The following GPR137B variants were observed in gnomAD, a reference collection of about 807,000 sequenced individuals.
GPR137B encodes G protein-coupled receptor 137B.
In GPR137B, 42 loss-of-function variants were observed where a neutral mutation model predicts 42.5. The ratio of observed to expected loss-of-function variants is 0.99; its 90% CI spans 0.77 to 1.28. The LOEUF is 1.28. Ranked by LOEUF, GPR137B falls within the 50% of genes most tolerant of loss-of-function variation. GPR137B has a pLI of 0.00. For missense variants in GPR137B, 487 were observed against 493.9 expected, an observed-to-expected ratio of 0.99 and a Z score of 0.13; for synonymous variants, 218 against 209.7, an observed-to-expected ratio of 1.04 and a Z score of -0.34.
intron 5 of GPR137B, among the ~76,000 whole-genome samples, chr1:236,196,828 A>T (rs1047837924): frequency 2.6e-5 from 4 of 152,088 alleles, no homozygotes; most frequent in African/African-American, 9.7e-5. Context: ...TGGTATATAT[A>T]TACCATTTTT....
At chr1:236,165,733 T>C (rs756141701) in intron 1 of GPR137B, among the ~76,000 whole-genome samples, 1 of 152,238 alleles carries the variant, frequency 6.6e-6, no homozygotes. Flanking sequence ...CGTATGTTTC[T>C]CTTGAAGATT....
rs1189015920 is a variant in GPR137B, at chr1:236,142,884, T to C, written c.262T>C (p.Trp88Arg). 1.9e-6 allele frequency: 3 copies of C among 1,614,224 alleles called. No individual in the cohort carries two copies. Among genetic ancestry groups the C allele is most frequent in the Non-Finnish European group, 2.5e-6 (3 of 1,180,020 alleles). Residue 88 changes from tryptophan (W) to arginine (R), a missense_variant, in exon 1 of 7, where the codon TGG becomes CGG. Trp to Arg is a moderately radical substitution (Grantham distance 101). Transcript: ENST00000366592. ...QSVFLFLCLF[W>R]ASLRTVLFSF... Reference sequence around the variant, plus strand: ...CGTCTTCCTCTTTCTCTGCCTCTTCTGGGCCTCCCTGCGGACCGTCCTCTT... The same window carrying C: ...CGTCTTCCTCTTTCTCTGCCTCTTCCGGGCCTCCCTGCGGACCGTCCTCTT...
intron 5 of GPR137B, among the ~76,000 whole-genome samples, chr1:236,186,495 A>AC (rs1663043807): frequency 1.1e-5 from 1 of 88,706 alleles, no homozygotes; most frequent in African/African-American, 3.9e-5. Flanking sequence ...CTACCTCCCC[A>AC]CCCCCCTACA....
At chr1:236,177,007 A>C (rs2102909234) in intron 2 of GPR137B, among the ~76,000 whole-genome samples, 1 of 152,256 alleles carries the variant, frequency 6.6e-6, no homozygotes, top group South Asian at 2.1e-4. Context: ...GTGAGGAGGT[A>C]CAGGGAGGGT....
At chr1:236,184,463 C>T (rs960429335) in intron 5 of GPR137B, among the ~76,000 whole-genome samples, 1 of 152,092 alleles carries the variant, frequency 6.6e-6, no homozygotes, top group Non-Finnish European at 1.5e-5. Context: ...AACCAAGTAG[C>T]GTGAGAAACC....
chr1:236,180,810 G>A (rs1223231244), intron 4 of GPR137B, among the ~76,000 whole-genome samples: 1 of 151,970 alleles, frequency 6.6e-6, no homozygotes, highest in East Asian at 1.9e-4. Flanking sequence ...TAGAGATGGG[G>A]TTTCACCATG....
intron 1 of GPR137B, among the ~76,000 whole-genome samples, chr1:236,162,660 C>G (rs148458721): frequency 6.6e-6 from 1 of 152,208 alleles, no homozygotes; most frequent in East Asian, 1.9e-4. Context: ...ACGTAGAGCT[C>G]GGGCTGTGGC....
intron 2 of GPR137B, among the ~76,000 whole-genome samples, chr1:236,177,989 A>G (rs114461861): frequency 0.01 from 1,567 of 152,254 alleles, 31 homozygotes; most frequent in African/African-American, 0.036. Context: ...TAAGGTAGGT[A>G]TTATGTAGTC....
At chr1:236,146,775 CT>C (rs1191089940) in intron 1 of GPR137B, among the ~76,000 whole-genome samples, 2 of 152,214 alleles carry the variant, frequency 1.3e-5, no homozygotes, top group East Asian at 3.8e-4. Context: ...CTTTCCACCC[CT>C]AATGACCTCT....
At chr1:236,177,939 AATTC>A (rs917808810) in intron 2 of GPR137B, among the ~76,000 whole-genome samples, 3 of 151,956 alleles carry the variant, frequency 2.0e-5, no homozygotes, top group Non-Finnish European at 4.4e-5. Context: ...GCATTATACA[AATTC>A]ATTATCTCAC....
chr1:236,206,231 A>G (rs1663657670), intron 6 of GPR137B, among the ~76,000 whole-genome samples: 1 of 152,194 alleles, frequency 6.6e-6, no homozygotes, highest in Non-Finnish European at 1.5e-5. Flanking sequence ...GGTCAGTACT[A>G]TTATTAGCCT....
chr1:236,166,628 G>T (rs1271445983), intron 1 of GPR137B, among the ~76,000 whole-genome samples: 1 of 151,242 alleles, frequency 6.6e-6, no homozygotes, highest in African/African-American at 2.4e-5. Context: ...CTTCTAGAAG[G>T]TTGGAAGCCT....
chr1:236,200,514 A>G (rs1312934993), intron 5 of GPR137B, among the ~76,000 whole-genome samples: 1 of 151,968 alleles, frequency 6.6e-6, no homozygotes, highest in Non-Finnish European at 1.5e-5. Flanking sequence ...TGTTTTATAA[A>G]TTTGGGGGCT....
At chr1:236,175,133 A>G (rs1358959257) in intron 2 of GPR137B, among the ~76,000 whole-genome samples, 1 of 152,314 alleles carries the variant, frequency 6.6e-6, no homozygotes, top group East Asian at 1.9e-4. Context: ...TCGAGGCTGC[A>G]GTGAGCCATG....
intron 3 of GPR137B, among the ~76,000 whole-genome samples, chr1:236,178,952 T>C (rs111229735): frequency 0.015 from 2,203 of 150,312 alleles, 67 homozygotes; most frequent in African/African-American, 0.051. Context: ...CACCCACCAC[T>C]ACGCCTGGCT....
chr1:236,144,218 C>A (rs898371571), intron 1 of GPR137B, among the ~76,000 whole-genome samples: 1 of 152,010 alleles, frequency 6.6e-6, no homozygotes, highest in African/African-American at 2.4e-5. Context: ...AGTTTGAGAC[C>A]GGCCTGGGCA....
At chr1:236,169,621 T>C (rs1662473783) in intron 2 of GPR137B, among the ~76,000 whole-genome samples, 1 of 152,126 alleles carries the variant, frequency 6.6e-6, no homozygotes, top group South Asian at 2.1e-4. Flanking sequence ...GAGTGTAATC[T>C]GGAAGGGAAC....
rs1661804964 is a variant in GPR137B, at chr1:236,150,040, T to C, written c.414+7004T>C. Among the ~76,000 whole-genome samples, 2 of 151,118 alleles carry C rather than the reference T, an allele frequency of 1.3e-5. No individual in the cohort carries two copies. The highest frequency in any genetic ancestry group is 2.1e-4 in the South Asian group (1 of 4,760). ...CTGTGTGTGTACCTGTGTGTGTGTG[T>C]GCCTGCCTCTGTGTGCCTGTGTCTG... On this transcript the variant is annotated intron_variant, in intron 1 of 6. Transcript: ENST00000366592. The surrounding 1 kb of genome is among the most constrained non-coding windows in gnomAD (Gnocchi z 6.2).
chr1:236,160,879 G>A (rs1255436682), intron 1 of GPR137B, among the ~76,000 whole-genome samples: 1 of 151,720 alleles, frequency 6.6e-6, no homozygotes, highest in Non-Finnish European at 1.5e-5. Context: ...ACTGCTCTTT[G>A]ACCTCCTCCC....
Sources: allele counts gnomAD v4.1 joint callset (sites outside exome capture counted in the v4.1 genomes callset), GRCh38; gene constraint gnomAD v4.1.1; non-coding constraint Gnocchi (gnomAD v3.1); transcripts MANE v1.5; gene names NCBI Gene and HGNC (gene_info 2026-07-23, HGNC 2026-07-21).